MAOB: variants seen among roughly 807,000 people sequenced by gnomAD.
MAOB encodes monoamine oxidase B.
A neutral mutation model predicts 41.9 loss-of-function variants in MAOB; 15 were observed. The ratio of observed to expected loss-of-function variants is 0.36; its 90% CI spans 0.24 to 0.55. The LOEUF is 0.55. MAOB is among the 20% of genes least tolerant of loss of function. MAOB has a pLI of 0.86. For missense variants in MAOB, 345 were observed against 398.7 expected, an observed-to-expected ratio of 0.87 and a Z score of 1.15; for synonymous variants, 167 against 144.2, an observed-to-expected ratio of 1.16 and a Z score of -1.13.
At chrX:43,825,432 T>C (rs920263071) in intron 3 of MAOB, among the ~76,000 whole-genome samples, 7 of 110,613 alleles carry the variant, frequency 6.3e-5, no homozygotes, top group African/African-American at 2.3e-4. Flanking sequence ...CTCTCTCACC[T>C]GCTTTAGGTT....
intron 1 of MAOB, among the ~76,000 whole-genome samples, chrX:43,863,622 T>A (rs2035347441): frequency 8.9e-6 from 1 of 111,819 alleles, no homozygotes; most frequent in African/African-American, 3.2e-5. Flanking sequence ...TGATACTACA[T>A]GGGCAATTTC....
At chrX:43,867,798 A>G (rs1446169938) in intron 1 of MAOB, among the ~76,000 whole-genome samples, 2 of 112,529 alleles carry the variant, frequency 1.8e-5, no homozygotes, top group Non-Finnish European at 1.9e-5. Context: ...TAATTACAAA[A>G]TTGAATAAGC....
intron 3 of MAOB, 101 bp from the exon 4 acceptor site, chrX:43,803,505 T>C (rs2034624144): frequency 9.5e-7 from 1 of 1,054,127 alleles, no homozygotes. Flanking sequence ...TTATGTGAGT[T>C]ATCAATATGT....
intron 2 of MAOB, among the ~76,000 whole-genome samples, chrX:43,843,060 G>A (rs1437481625): frequency 9.0e-6 from 1 of 110,920 alleles, no homozygotes; most frequent in Non-Finnish European, 1.9e-5. Flanking sequence ...AATTTCAAAT[G>A]TATCACCACA....
intron 1 of MAOB, among the ~76,000 whole-genome samples, chrX:43,869,066 C>T (rs766497965): frequency 2.7e-5 from 3 of 111,477 alleles, no homozygotes; most frequent in East Asian, 5.6e-4. Context: ...AAAACTAGCC[C>T]GCAATTTCCT....
At chrX:43,812,312 G>A (rs905375157) in intron 3 of MAOB, among the ~76,000 whole-genome samples, 1 of 112,452 alleles carries the variant, frequency 8.9e-6, no homozygotes, top group Non-Finnish European at 1.9e-5. Flanking sequence ...ACATGGGAGT[G>A]CAGATACCTC....
At chrX:43,847,452 C>T (rs913147118) in intron 1 of MAOB, among the ~76,000 whole-genome samples, 1 of 111,612 alleles carries the variant, frequency 9.0e-6, no homozygotes, top group African/African-American at 3.3e-5. Flanking sequence ...TCAACTGATC[C>T]TTACCACAAT....
At chrX:43,782,725 C>T (rs763519813) in intron 8 of MAOB, among the ~76,000 whole-genome samples, 3 of 111,608 alleles carry the variant, frequency 2.7e-5, no homozygotes, top group Non-Finnish European at 5.6e-5. Flanking sequence ...TGATGAACAT[C>T]GATGCAAAAA....
chrX:43,812,107 TG>T (rs760267100), intron 3 of MAOB, among the ~76,000 whole-genome samples: 53 of 112,427 alleles, frequency 4.7e-4, no homozygotes, highest in Non-Finnish European at 9.0e-4. Context: ...TTTGTCTTTC[TG>T]TGCCTGGTGT....
At chrX:43,801,511 T>G (rs2034595490) in intron 5 of MAOB, among the ~76,000 whole-genome samples, 1 of 111,948 alleles carries the variant, frequency 8.9e-6, no homozygotes, top group Non-Finnish European at 1.9e-5. Context: ...CGTGCTTGAA[T>G]GGGAACCCTC....
Position 43,788,935 on chromosome X carries a change from C to T in MAOB, c.928+4484G>A, listed in dbSNP as rs754182763. 1.5e-4 allele frequency among the ~76,000 whole-genome samples: 17 copies of T among 110,506 alleles called. No homozygotes were observed. In the South Asian group the frequency reaches 5.0e-3, roughly 33 times the overall value. On this transcript the variant is annotated intron_variant, in intron 8 of 14. Coordinates refer to ENST00000378069, the MANE Select transcript of MAOB (RefSeq NM_000898.5). ...AAAGTACAGGTTGAGTATCCTTATCCCTTATATGAAATGTTTGAGACAAGA... is the reference window on the plus strand; with the variant it reads ...AAAGTACAGGTTGAGTATCCTTATCTCTTATATGAAATGTTTGAGACAAGA...
chrX:43,782,234 G>A (rs759240194), intron 8 of MAOB, among the ~76,000 whole-genome samples: 15 of 110,734 alleles, frequency 1.4e-4, no homozygotes, highest in South Asian at 3.8e-4. Flanking sequence ...AAAATAGACC[G>A]CTAGCCAGAC....
At position 43,803,314 on chromosome X, in the gene MAOB, C is replaced by T; in HGVS notation, c.370G>A (p.Asp124Asn). Residue 124 changes from aspartate to asparagine, a missense_variant, in exon 4 of 15, where the codon GAC becomes AAC. Physicochemically the swap from Asp to Asn is conservative, Grantham distance 23 (BLOSUM62 1). Transcript: ENST00000378069. ...AGAAGCTTTACCTCTCGCCCCATGT[C>T]ATCCATTGTCCTCCAAAAGTTGTTA... ...DHNNFWRTMD[D>N]MGREIPSDAP... is the part of the protein sequence containing the mutation. 8.6e-7 allele frequency: 1 copy of T among 1,157,439 alleles called. No individual in the cohort carries two copies. Among genetic ancestry groups the T allele is most frequent in the Non-Finnish European group, 1.1e-6 (1 of 873,400 alleles).
chrX:43,852,833 A>C (rs780234501), intron 1 of MAOB, among the ~76,000 whole-genome samples: 6 of 111,481 alleles, frequency 5.4e-5, no homozygotes, highest in Non-Finnish European at 1.1e-4. Flanking sequence ...TGTGGCTAAA[A>C]CTGGTGGTGG....
intron 3 of MAOB, among the ~76,000 whole-genome samples, chrX:43,808,648 CTAT>C (rs1396356875): frequency 1.0e-5 from 1 of 96,203 alleles, no homozygotes; most frequent in African/African-American, 4.2e-5. Flanking sequence ...ATATCTATAT[CTAT>C]ATCTATATCT....
intron 1 of MAOB, among the ~76,000 whole-genome samples, chrX:43,859,777 T>A (rs1326815514): frequency 8.9e-6 from 1 of 112,272 alleles, no homozygotes; most frequent in African/African-American, 3.2e-5. Flanking sequence ...CACATGAGCA[T>A]GTTCTGGTAT....
In MAOB at chrX:43,859,113, T is replaced by C. The variant is rs2035316214; in HGVS notation, c.47-15349A>G. 3.6e-5 allele frequency among the ~76,000 whole-genome samples: 4 copies of C among 111,418 alleles called. No individual in the cohort carries two copies. In the South Asian group the frequency reaches 1.5e-3, roughly 42 times the overall value. On this transcript the variant is annotated intron_variant, in intron 1 of 14. Transcript: ENST00000378069. ...AAAAATTACCACTAGTGCAAAGATTTAGAGAAAAACAAAATACCTATTGCT... is the reference window on the plus strand; with the variant it reads ...AAAAATTACCACTAGTGCAAAGATTCAGAGAAAAACAAAATACCTATTGCT...
At chrX:43,876,514 A>G (rs2035440570) in intron 1 of MAOB, among the ~76,000 whole-genome samples, 1 of 111,487 alleles carries the variant, frequency 9.0e-6, no homozygotes, top group Non-Finnish European at 1.9e-5. Flanking sequence ...AAAAAAACTA[A>G]CCTGTTACTA....
chrX:43,775,180 A>G lies in MAOB; in HGVS notation c.1230T>C (p.Tyr410=). 8.4e-7 allele frequency: 1 copy of G among 1,191,548 alleles called. No individual in the cohort carries two copies. Among genetic ancestry groups the G allele is most frequent in the Non-Finnish European group, 1.1e-6 (1 of 887,697 alleles). Residue 410 remains tyrosine, a synonymous_variant, in exon 12 of 15, where the codon TAT becomes TAC. Coordinates refer to ENST00000378069, the MANE Select transcript of MAOB (RefSeq NM_000898.5). ...TYFPPGILTQ[Y]GRVLRQPVDR... The stretch of plus-strand genomic sequence containing the variant: ...TTAGCATGCTTTTACTCTACCTTCC[A>G]TATTGAGTCAGGATCCCAGGGGGGA...
Sources: gnomAD v4.1 joint callset for allele counts (sites outside exome capture counted in the v4.1 genomes callset) on GRCh38, gnomAD v4.1.1 for gene constraint, MANE v1.5 for transcripts, NCBI Gene and HGNC (gene_info 2026-07-23, HGNC 2026-07-21) for gene names.